CSMD1: variants seen among roughly 807,000 people sequenced by gnomAD.
The protein encoded by CSMD1 is CUB and sushi domain-containing protein 1.
CSMD1 carries 213 observed loss-of-function variants against 417.5 expected under a neutral mutation model. The observed-to-expected ratio is 0.51, with a 90% CI of 0.46 to 0.57. The LOEUF (loss-of-function observed/expected upper bound fraction) is 0.57. CSMD1 is among the 20% of genes least tolerant of loss of function. The pLI is 0.00. For missense variants in CSMD1, 6,923 were observed against 4,529.7 expected (o/e 1.53, Z -15.17); for synonymous variants, 2,862 against 1,736.8 (o/e 1.65, Z -16.11).
Position 3,118,439 on chromosome 8 carries a change from C to T in CSMD1, c.6390G>A (p.Gly2130=), listed in dbSNP as rs374258672. ...AAGGGTAGTTCCAGTTTCTGTTGAT[C>T]CCATGCTGACAAGTGAGGACAGGAT... The part of the protein sequence containing the change: ...IGHPVLTCQH[G]INRNWNYPFP... Residue 2130 remains glycine (G), a synonymous_variant, in exon 42 of 70, where the codon GGG becomes GGA. Coordinates refer to ENST00000635120, the MANE Select transcript of CSMD1 (RefSeq NM_033225.6). 7 of 1,613,524 alleles carry T rather than the reference C, an allele frequency of 4.3e-6. No individual in the cohort carries two copies. Among genetic ancestry groups the T allele is most frequent in the African/African-American group, 2.7e-5 (2 of 74,886 alleles).
chr8:4,352,339 C>T (rs1801147230), intron 3 of CSMD1, among the ~76,000 whole-genome samples: 1 of 152,162 alleles, frequency 6.6e-6, no homozygotes, highest in Non-Finnish European at 1.5e-5. Flanking sequence ...TAAAATTCAA[C>T]ATTTAGAATG....
chr8:4,467,969 C>G lies in CSMD1; in HGVS notation c.303-47904G>C, dbSNP rs979867533. On this transcript the variant is annotated intron_variant, in intron 2 of 69. Coordinates refer to ENST00000635120, the MANE Select transcript of CSMD1 (RefSeq NM_033225.6). The stretch of plus-strand genomic sequence containing the variant: ...CAAAGTAATATGATGGTTTACAAGG[C>G]TTGACTAAGGACCCTGTCCTAAGCT... 8.5e-5 allele frequency among the ~76,000 whole-genome samples: 13 copies of G among 152,154 alleles called. No individual in the cohort carries two copies. The East Asian group carries it at 2.5e-3, about 29-fold the overall frequency.
intron 6 of CSMD1, among the ~76,000 whole-genome samples, chr8:3,726,130 C>G (rs913455553): frequency 2.6e-5 from 4 of 152,066 alleles, no homozygotes; most frequent in African/African-American, 9.7e-5. Context: ...GAGGTCCCTG[C>G]CAACAGCCAT....
chr8:4,703,790 C>A (rs563344635), intron 1 of CSMD1, among the ~76,000 whole-genome samples: 2 of 152,176 alleles, frequency 1.3e-5, no homozygotes, highest in African/African-American at 4.8e-5. Flanking sequence ...TACGAAGAGA[C>A]CCGATCATCA....
chr8:4,334,605 G>C (rs953430489), intron 3 of CSMD1, among the ~76,000 whole-genome samples: 12 of 152,066 alleles, frequency 7.9e-5, no homozygotes, highest in African/African-American at 9.7e-5. Flanking sequence ...TTCTCTATCT[G>C]TATTTCCTCT....
At chr8:3,049,857 A>T (rs1170724649) in intron 50 of CSMD1, among the ~76,000 whole-genome samples, 1 of 152,016 alleles carries the variant, frequency 6.6e-6, no homozygotes, top group East Asian at 1.9e-4. Context: ...AGGTATGCAC[A>T]TGTTGCGGAC....
intron 4 of CSMD1, among the ~76,000 whole-genome samples, 191 bp from the exon 5 acceptor site, chr8:3,998,301 A>C (rs1213106178): frequency 6.6e-6 from 1 of 152,192 alleles, no homozygotes. Context: ...TCTAACATTT[A>C]AATTATCTTA....
At chr8:3,564,672 A>C (rs922746118) in intron 10 of CSMD1, among the ~76,000 whole-genome samples, 1 of 152,092 alleles carries the variant, frequency 6.6e-6, no homozygotes, top group Non-Finnish European at 1.5e-5. Context: ...CTGAGGTGTT[A>C]TAAGAAAATC....
Position 2,938,707 on chromosome 8 carries a change from G to A in CSMD1, c.10573C>T (p.His3525Tyr). ...PKVQYNGYAG[H>Y]ENSNGQASFE... ...GATGCTTGTCCATTGCTGTTTTCAT[G>A]CCCAGCATAGCCATTGTATTGAACT... Residue 3525 changes from histidine to tyrosine, a missense_variant, in exon 70 of 70, where the codon CAT becomes TAT. His to Tyr is a moderately conservative substitution (Grantham distance 83). Transcript: ENST00000635120. The A allele has an allele frequency of 6.2e-7, 1 of 1,611,264 alleles. No homozygotes were observed. Among genetic ancestry groups the A allele is most frequent in the Non-Finnish European group, 8.5e-7 (1 of 1,178,562 alleles).
At chr8:4,454,861 G>T (rs1035271775) in intron 2 of CSMD1, among the ~76,000 whole-genome samples, 11 of 152,246 alleles carry the variant, frequency 7.2e-5, no homozygotes, top group South Asian at 4.1e-4. Context: ...TAGTTTTAAA[G>T]AAACTTAATC....
chr8:4,799,754 G>T (rs1798177206), intron 1 of CSMD1, among the ~76,000 whole-genome samples: 1 of 151,200 alleles, frequency 6.6e-6, no homozygotes. Flanking sequence ...CTTTACATTT[G>T]ACCTGGAAAT....
At chr8:3,488,861 T>G (rs936928389) in intron 11 of CSMD1, among the ~76,000 whole-genome samples, 5 of 152,208 alleles carry the variant, frequency 3.3e-5, no homozygotes, top group African/African-American at 9.6e-5. Flanking sequence ...TGGGATCATG[T>G]GATTCCAGAG....
At chr8:4,018,443 C>T (rs1160119777) in intron 4 of CSMD1, among the ~76,000 whole-genome samples, 6 of 152,274 alleles carry the variant, frequency 3.9e-5, no homozygotes, top group Non-Finnish European at 7.4e-5. Context: ...TGAGTAGCTG[C>T]AGGTCTGTCA....
chr8:4,352,512 T>A (rs544122199), intron 3 of CSMD1, among the ~76,000 whole-genome samples: 1 of 152,198 alleles, frequency 6.6e-6, no homozygotes, highest in South Asian at 2.1e-4. Flanking sequence ...TGAAGAAACA[T>A]GAAATTTTCC....
chr8:4,436,149 A>G (rs1395389169), intron 2 of CSMD1, among the ~76,000 whole-genome samples: 3 of 152,178 alleles, frequency 2.0e-5, no homozygotes, highest in Admixed American at 6.5e-5. Context: ...GAAGTCATAG[A>G]TATTGAGAGA....
chr8:3,505,834 C>T (rs552248261), intron 10 of CSMD1, among the ~76,000 whole-genome samples: 154 of 152,280 alleles, frequency 1.0e-3, no homozygotes, highest in South Asian at 5.4e-3. Context: ...TATCAACACA[C>T]TCCTTATCAC....
chr8:4,089,679 A>G (rs1800611842), intron 3 of CSMD1, among the ~76,000 whole-genome samples: 1 of 152,248 alleles, frequency 6.6e-6, no homozygotes, highest in Non-Finnish European at 1.5e-5. Flanking sequence ...AAAGTGCTTA[A>G]CATATAGAAT....
At chr8:3,570,290 A>T (rs1799889998) in intron 10 of CSMD1, among the ~76,000 whole-genome samples, 1 of 152,356 alleles carries the variant, frequency 6.6e-6, no homozygotes, top group African/African-American at 2.4e-5. Context: ...GCTTGCCTGG[A>T]TGTGATGGAT....
At chr8:3,263,886 A>G (rs184464972) in intron 26 of CSMD1, among the ~76,000 whole-genome samples, 122 of 152,348 alleles carry the variant, frequency 8.0e-4, no homozygotes, top group Non-Finnish European at 1.4e-3. Context: ...TAAAAATAGT[A>G]CACTGTTTAA....
Sources: gnomAD v4.1 joint callset for allele counts (sites outside exome capture counted in the v4.1 genomes callset) on GRCh38, gnomAD v4.1.1 for gene constraint, MANE v1.5 for transcripts, NCBI Gene and HGNC (gene_info 2026-07-23, HGNC 2026-07-21) for gene names.